The following CACNA1B variants were observed in gnomAD, a reference collection of about 807,000 sequenced individuals.
CACNA1B encodes the protein calcium voltage-gated channel subunit alpha1 B, also known as voltage-dependent N-type calcium channel subunit alpha-1B.
In CACNA1B, 70 loss-of-function variants were observed where a neutral mutation model predicts 247.2. That is an observed-to-expected ratio of 0.28 (90% CI 0.23 to 0.35). The LOEUF (loss-of-function observed/expected upper bound fraction) is 0.35, where lower values mean the gene tolerates loss of function less well. CACNA1B is among the 10% of genes least tolerant of loss of function. The pLI is 1.00. For missense variants in CACNA1B, 2,367 were observed against 3,197.4 expected (o/e 0.74, Z 6.26); for synonymous variants, 1,231 against 1,294.4 (o/e 0.95, Z 1.05).
intron 46 of CACNA1B, 58 bp downstream of exon 46, chr9:138,120,939 C>T: frequency 6.6e-7 from 1 of 1,510,322 alleles, no homozygotes; most frequent in Non-Finnish European, 8.8e-7. Flanking sequence ...CCCAGCACCC[C>T]TGTCCCACAG....
intron 15 of CACNA1B, among the ~76,000 whole-genome samples, chr9:137,989,547 C>T (rs1002173314): frequency 5.3e-5 from 8 of 152,138 alleles, no homozygotes; most frequent in African/African-American, 1.2e-4. Flanking sequence ...AAATCTTATA[C>T]GCTGCCCTAG....
At chr9:138,046,344 G>A (rs960700386) in intron 21 of CACNA1B, among the ~76,000 whole-genome samples, 4 of 152,326 alleles carry the variant, frequency 2.6e-5, no homozygotes, top group East Asian at 1.9e-4. Flanking sequence ...CACGTGGAGC[G>A]TGTTCACATG....
At chr9:137,962,704 T>C (rs1422346664) in intron 10 of CACNA1B, among the ~76,000 whole-genome samples, 1 of 152,220 alleles carries the variant, frequency 6.6e-6, no homozygotes, top group Non-Finnish European at 1.5e-5. Flanking sequence ...TTTGAGTGAA[T>C]TTCTTAATCT....
intron 35 of CACNA1B, among the ~76,000 whole-genome samples, chr9:138,077,561 G>A (rs1460473946): frequency 6.6e-6 from 1 of 152,214 alleles, no homozygotes; most frequent in Non-Finnish European, 1.5e-5. Flanking sequence ...TGTGCTTAGT[G>A]GACCTGCTTC....
chr9:137,890,796 C>CA, intron 3 of CACNA1B: 7 of 149,966 alleles, frequency 4.7e-5, no homozygotes, highest in Non-Finnish European at 9.0e-5. Flanking sequence ...GTGGTGGGGA[C>CA]AGTGAGCGGC....
In CACNA1B at chr9:138,058,101, G is replaced by A; in HGVS notation, c.4159G>A (p.Gly1387Arg). 6.2e-7 allele frequency: 1 copy of A among 1,613,882 alleles called. No individual in the cohort carries two copies. Among genetic ancestry groups the A allele is most frequent in the Non-Finnish European group, 8.5e-7 (1 of 1,179,746 alleles). ...ATYEEQGPSP[G>R]YRMELSIFYV... Reference sequence around the variant, plus strand: ...CTATGAGGAGCAGGGTCCAAGCCCTGGGTACCGCATGGAGCTGTCCATCTT... The same window carrying A: ...CTATGAGGAGCAGGGTCCAAGCCCTAGGTACCGCATGGAGCTGTCCATCTT... Residue 1387 changes from glycine (G) to arginine (R), a missense_variant, in exon 28 of 47, where the codon GGG (glycine) becomes AGG (arginine). Physicochemically the swap from Gly to Arg is moderately radical, Grantham distance 125 (BLOSUM62 -2). Around this residue, in one of 12 missense-constraint regions of CACNA1B, gnomAD observed 436 missense variants for 679.5 expected, o/e 0.64. Transcript: ENST00000371372. The surrounding 1 kb of genome is among the most constrained non-coding windows in gnomAD (Gnocchi z 4.7).
intron 15 of CACNA1B, among the ~76,000 whole-genome samples, chr9:137,992,366 G>A (rs1405094357): frequency 6.6e-6 from 1 of 152,108 alleles, no homozygotes; most frequent in East Asian, 1.9e-4. Context: ...ATGATAAAAA[G>A]CCTTGTCCAA....
At chr9:137,894,016 A>C (rs1957141189) in intron 3 of CACNA1B, among the ~76,000 whole-genome samples, 2 of 152,236 alleles carry the variant, frequency 1.3e-5, no homozygotes, top group Non-Finnish European at 2.9e-5. Flanking sequence ...AAATGAAGTC[A>C]TACCTTTGGA....
chr9:137,882,728 T>G lies in CACNA1B; in HGVS notation c.391-16T>G. ...GGTAGGGGCCAGGGGTGACCACTGT[T>G]CTGCGCTTCTCCTAGGACGACACGG... On this transcript the variant is annotated splice_polypyrimidine_tract_variant and intron_variant, in intron 2 of 46. Transcript: ENST00000371372. The surrounding 1 kb of genome is among the most constrained non-coding windows in gnomAD (Gnocchi z 4.0). 6.2e-7 allele frequency: 1 copy of G among 1,613,822 alleles called. No individual in the cohort carries two copies.
intron 20 of CACNA1B, chr9:138,032,584 GT>G (rs1375761844): frequency 7.0e-6 from 3 of 429,172 alleles, no homozygotes; most frequent in Non-Finnish European, 1.4e-5. Flanking sequence ...AATTCTCTTA[GT>G]TTTCCTTCAT....
In CACNA1B at chr9:137,998,655, C is replaced by T. The variant is rs188738382; in HGVS notation, c.1975-8112C>T. The stretch of plus-strand genomic sequence containing the variant: ...AATAGAGGTGAAGGTAAAAAGAGGA[C>T]GGATGAGAATAAAGAGGCATATTAC... On this transcript the variant is annotated intron_variant, in intron 15 of 46. Coordinates refer to ENST00000371372, the MANE Select transcript of CACNA1B (RefSeq NM_000718.4). Among the ~76,000 whole-genome samples, 733 of 152,180 alleles carry T rather than the reference C, an allele frequency of 4.8e-3. 2 individuals are homozygous for T. Among genetic ancestry groups the T allele is most frequent in the Non-Finnish European group, 7.2e-3 (487 of 68,026 alleles).
chr9:138,085,764 A>T (rs537730043), intron 36 of CACNA1B, among the ~76,000 whole-genome samples: 2 of 151,422 alleles, frequency 1.3e-5, no homozygotes, highest in East Asian at 4.1e-4. Context: ...AAAACAAAAA[A>T]CAAACTGTCA....
chr9:137,986,839 C>T lies in CACNA1B; in HGVS notation c.1959C>T (p.Ile653=). The change falls in exon 15 of 47, where the codon ATC becomes ATT. Residue 653 remains isoleucine (I), a synonymous_variant. Coordinates refer to ENST00000371372, the MANE Select transcript of CACNA1B (RefSeq NM_000718.4). The surrounding 1 kb of genome is among the most constrained non-coding windows in gnomAD (Gnocchi z 6.0). ...ACTTCGACACCTTCCCTGCCGCCAT[C>T]CTCACTGTCTTCCAGGTAAGGCACC... is the stretch of plus-strand genomic sequence containing the variant. ...TTNFDTFPAA[I]LTVFQILTGE... 1 of 1,613,670 alleles carries T rather than the reference C, an allele frequency of 6.2e-7. No individual in the cohort carries two copies. The highest frequency in any genetic ancestry group is 1.1e-5 in the South Asian group (1 of 91,072).
chr9:138,070,219 G>T (rs1960075520), intron 32 of CACNA1B, among the ~76,000 whole-genome samples: 1 of 152,194 alleles, frequency 6.6e-6, no homozygotes, highest in Admixed American at 6.5e-5. Context: ...TGCCCAGGTG[G>T]CCTCTGCAGA....
intron 31 of CACNA1B, among the ~76,000 whole-genome samples, chr9:138,060,900 T>A (rs10746565): frequency 6.6e-6 from 1 of 151,866 alleles, no homozygotes; most frequent in Non-Finnish European, 1.5e-5. Flanking sequence ...CCTGAGCTGA[T>A]GTTCATCATC....
Position 138,107,942 on chromosome 9 carries a change from G to A in CACNA1B, c.5428+2135G>A, listed in dbSNP as rs1961489359. Among the ~76,000 whole-genome samples, 4 of 149,966 alleles carry A rather than the reference G, an allele frequency of 2.7e-5. No individual in the cohort carries two copies. In the South Asian group the frequency reaches 6.3e-4, roughly 24 times the overall value. ...AGAGCTTGCAGTGAGCCGAGATTGC[G>A]CCACTGCACTCCAGTCTGGGTGACA... On this transcript the variant is annotated intron_variant, in intron 39 of 46. Coordinates refer to ENST00000371372, the MANE Select transcript of CACNA1B (RefSeq NM_000718.4).
At chr9:137,976,541 C>T (rs34646839) in intron 12 of CACNA1B, among the ~76,000 whole-genome samples, 7,954 of 152,094 alleles carry the variant, frequency 0.052, 222 homozygotes, top group Middle Eastern at 0.16. Context: ...CAGTGTGTTT[C>T]CCAGCTTACC....
intron 31 of CACNA1B, among the ~76,000 whole-genome samples, chr9:138,063,684 A>G (rs949553688): frequency 1.3e-5 from 2 of 152,142 alleles, no homozygotes; most frequent in Admixed American, 6.5e-5. Context: ...GATCTGTTCT[A>G]TTAAAGATAC....
intron 6 of CACNA1B, among the ~76,000 whole-genome samples, chr9:137,951,877 A>C (rs1957881498): frequency 6.6e-6 from 1 of 152,192 alleles, no homozygotes; most frequent in African/African-American, 2.4e-5. Context: ...TCAGGAGGAC[A>C]TGGCTTTGGA....
Sources: gnomAD v4.1 joint callset for allele counts (sites outside exome capture counted in the v4.1 genomes callset) on GRCh38, gnomAD v4.1.1 for gene constraint, gnomAD v4.1.1 regional missense constraint, Gnocchi (gnomAD v3.1) non-coding constraint, MANE v1.5 for transcripts, NCBI Gene and HGNC (gene_info 2026-07-23, HGNC 2026-07-21) for gene names.